The following PPP3CA variants were observed in gnomAD, a reference collection of about 807,000 sequenced individuals.
PPP3CA encodes the protein protein phosphatase 3 catalytic subunit alpha, also known as CAM-PRP catalytic subunit.
PPP3CA carries 14 observed loss-of-function variants against 66.5 expected under a neutral mutation model. The ratio of observed to expected loss-of-function variants is 0.21; its 90% CI spans 0.14 to 0.33. The LOEUF (loss-of-function observed/expected upper bound fraction) is 0.33, where lower values mean the gene tolerates loss of function less well. Among genes scored for constraint, PPP3CA ranks in the 10% least tolerant of loss-of-function variants. PPP3CA has a pLI of 1.00. For missense variants in PPP3CA, 317 were observed against 639.5 expected (o/e 0.50, Z 5.44); for synonymous variants, 232 against 226.2 (o/e 1.03, Z -0.23).
At chr4:101,032,774 T>C (rs1486812370) in intron 11 of PPP3CA, among the ~76,000 whole-genome samples, 1 of 152,178 alleles carries the variant, frequency 6.6e-6, no homozygotes, top group African/African-American at 2.4e-5. Context: ...GTGATTTGAT[T>C]TGACGGAATA....
chr4:101,195,701 C>T (rs1033288002), intron 2 of PPP3CA, among the ~76,000 whole-genome samples: 30 of 152,082 alleles, frequency 2.0e-4, no homozygotes, highest in African/African-American at 7.0e-4. Flanking sequence ...AGTTGCATTC[C>T]ACTTTTTAGA....
At chr4:101,335,280 C>T (rs1729588770) in intron 1 of PPP3CA, among the ~76,000 whole-genome samples, 1 of 151,638 alleles carries the variant, frequency 6.6e-6, no homozygotes. Flanking sequence ...GCGTTAGGAG[C>T]AGACAATCTT....
chr4:101,150,359 T>C (rs1723099008), intron 2 of PPP3CA, among the ~76,000 whole-genome samples: 1 of 152,234 alleles, frequency 6.6e-6, no homozygotes, highest in Non-Finnish European at 1.5e-5. Context: ...CTAGGCAGTA[T>C]TGTGCAGTGT....
At chr4:101,146,603 A>T (rs563396322) in intron 2 of PPP3CA, among the ~76,000 whole-genome samples, 66 of 151,988 alleles carry the variant, frequency 4.3e-4, no homozygotes, top group Non-Finnish European at 3.8e-4. Flanking sequence ...CCACCACGCC[A>T]GGCTAATTTT....
chr4:101,108,410 A>G (rs1255463140), intron 3 of PPP3CA, among the ~76,000 whole-genome samples: 1 of 152,240 alleles, frequency 6.6e-6, no homozygotes, highest in East Asian at 1.9e-4. Context: ...ATTTGCAAAT[A>G]TATAAAATGT....
At chr4:101,083,371 A>G in intron 6 of PPP3CA, 108 bp from the exon 7 acceptor site, 2 of 976,528 alleles carry the variant, frequency 2.0e-6, no homozygotes, top group South Asian at 1.6e-5. Context: ...ATAATCAAAC[A>G]TACATCATTC....
intron 1 of PPP3CA, chr4:101,330,328 G>A (rs1384939049): frequency 2.2e-6 from 1 of 452,710 alleles, no homozygotes. Context: ...TGCTTCTCAA[G>A]GATGAGCAAA....
chr4:101,317,478 C>T (rs989551775), intron 1 of PPP3CA, among the ~76,000 whole-genome samples: 2 of 152,038 alleles, frequency 1.3e-5, no homozygotes, highest in African/African-American at 4.8e-5. Context: ...AATTCTTTAT[C>T]TGGTTGTATT....
intron 3 of PPP3CA, among the ~76,000 whole-genome samples, chr4:101,107,016 A>C (rs528000632): frequency 1.1e-4 from 17 of 152,262 alleles, no homozygotes; most frequent in African/African-American, 3.9e-4. Context: ...ATGTGATATA[A>C]AGGTCTTACA....
At chr4:101,253,156 T>G (rs1256467622) in intron 1 of PPP3CA, among the ~76,000 whole-genome samples, 1 of 152,204 alleles carries the variant, frequency 6.6e-6, no homozygotes, top group Non-Finnish European at 1.5e-5. Flanking sequence ...ATTAAAAGTG[T>G]TCTTGCTATG....
chr4:101,329,703 T>C (rs973996624), intron 1 of PPP3CA, among the ~76,000 whole-genome samples: 2 of 152,158 alleles, frequency 1.3e-5, no homozygotes, highest in Non-Finnish European at 1.5e-5. Context: ...TTTACCATTC[T>C]GAAAATCCTA....
At chr4:101,147,832 T>C (rs1180972061) in intron 2 of PPP3CA, among the ~76,000 whole-genome samples, 3 of 152,104 alleles carry the variant, frequency 2.0e-5, no homozygotes, top group Non-Finnish European at 4.4e-5. Context: ...ATTTATCAAA[T>C]TAGAAACTAT....
intron 11 of PPP3CA, among the ~76,000 whole-genome samples, chr4:101,037,075 G>A (rs1265254346): frequency 6.6e-6 from 1 of 152,138 alleles, no homozygotes; most frequent in South Asian, 2.1e-4. Context: ...TCTGTAGCTG[G>A]GAAGGGTAAC....
In PPP3CA at chr4:101,281,874, T is replaced by A. The variant is rs568266570; in HGVS notation, c.58+64865A>T. On this transcript the variant is annotated intron_variant, in intron 1 of 13. Coordinates refer to ENST00000394854, the MANE Select transcript of PPP3CA (RefSeq NM_000944.5). ...AGACAGACTTGCTAGTTATTGAGGG[T>A]CTTTTTCCTGTACTAGTTGCCAAAT... is the stretch of plus-strand genomic sequence containing the variant. Among the ~76,000 whole-genome samples the A allele has an allele frequency of 2.6e-5, 4 of 152,268 alleles. No homozygotes were observed. In the South Asian group the frequency reaches 8.3e-4, roughly 32 times the overall value.
At chr4:101,235,318 C>T (rs1374749534) in intron 1 of PPP3CA, among the ~76,000 whole-genome samples, 1 of 151,676 alleles carries the variant, frequency 6.6e-6, no homozygotes. Flanking sequence ...AAGAATACTA[C>T]TGAGGTTGCC....
At chr4:101,296,073 G>A (rs900799463) in intron 1 of PPP3CA, among the ~76,000 whole-genome samples, 2 of 152,130 alleles carry the variant, frequency 1.3e-5, no homozygotes. Context: ...GTGTCAAGAA[G>A]AGAGTCACAT....
intron 6 of PPP3CA, among the ~76,000 whole-genome samples, chr4:101,085,691 C>A (rs1157013075): frequency 2.0e-5 from 3 of 152,146 alleles, no homozygotes; most frequent in Non-Finnish European, 4.4e-5. Flanking sequence ...TAGATTCCCA[C>A]TGTTGCTGAA....
rs115332746 is a variant in PPP3CA at position 101,030,322 on chromosome 4, C to T, written c.1340-1127G>A. On this transcript the variant is annotated intron_variant, in intron 12 of 13. Transcript: ENST00000394854. Reference sequence around the variant, plus strand: ...CAAAATGTGCACTATAACTTACTTACGGTGGATTCGAGATTCCTTATGATA... The same window carrying T: ...CAAAATGTGCACTATAACTTACTTATGGTGGATTCGAGATTCCTTATGATA... 3.1e-3 allele frequency among the ~76,000 whole-genome samples: 478 copies of T among 152,170 alleles called. 2 individuals are homozygous for T. Among genetic ancestry groups the T allele is most frequent in the African/African-American group, 0.011 (443 of 41,524 alleles).
intron 1 of PPP3CA, among the ~76,000 whole-genome samples, chr4:101,259,349 AT>A (rs1386107258): frequency 2.4e-4 from 23 of 96,428 alleles, no homozygotes; most frequent in Non-Finnish European, 5.1e-4. Flanking sequence ...TCATTCATTC[AT>A]TCAGCAAGCA....
Sources: gnomAD v4.1 joint callset for allele counts (sites outside exome capture counted in the v4.1 genomes callset) on GRCh38, gnomAD v4.1.1 for gene constraint, MANE v1.5 for transcripts, NCBI Gene and HGNC (gene_info 2026-07-23, HGNC 2026-07-21) for gene names.